The following SHLD2 variants were observed in gnomAD, a reference collection of about 807,000 sequenced individuals.
SHLD2 encodes the protein shieldin complex subunit 2, also known as RINN1-REV7-interacting novel NHEJ regulator 2.
SHLD2 carries 30 observed loss-of-function variants against 73.2 expected under a neutral mutation model. The ratio of observed to expected loss-of-function variants is 0.41; its 90% CI spans 0.31 to 0.56. SHLD2 has a LOEUF of 0.56. SHLD2 is among the 20% of genes least tolerant of loss of function. The pLI is 0.28. For missense variants in SHLD2, 745 were observed against 1,055.9 expected (o/e 0.71, Z 4.08); for synonymous variants, 285 against 370.1 (o/e 0.77, Z 2.64).
intron 2 of SHLD2, among the ~76,000 whole-genome samples, chr10:87,135,854 GGTGTT>G (rs1844765070): frequency 6.6e-6 from 1 of 151,952 alleles, no homozygotes; most frequent in African/African-American, 2.4e-5. Flanking sequence ...ATGACTAATC[GGTGTT>G]GCTATTGACC....
Position 87,174,646 on chromosome 10 carries a change from G to A in SHLD2, c.1964-1243G>A, listed in dbSNP as rs553314713. 5.3e-5 allele frequency among the ~76,000 whole-genome samples: 8 copies of A among 151,700 alleles called. No homozygotes were observed. The South Asian group carries it at 1.7e-3, about 32-fold the overall frequency. On this transcript the variant is annotated intron_variant, in intron 6 of 9. Transcript: ENST00000298786. ...TAGTAAATTAGATTTATGGCCTGAA[G>A]TGAGAAACTAAAAAGACAGCTGATG...
At chr10:87,164,019 G>A (rs189244766) in intron 4 of SHLD2, among the ~76,000 whole-genome samples, 42 of 150,112 alleles carry the variant, frequency 2.8e-4, no homozygotes, top group African/African-American at 1.0e-3. Flanking sequence ...GTGCAGTGGC[G>A]TGATCTTAGC....
At chr10:87,104,149 C>T (rs1406352797) in intron 2 of SHLD2, among the ~76,000 whole-genome samples, 2 of 150,082 alleles carry the variant, frequency 1.3e-5, no homozygotes, top group African/African-American at 4.9e-5. Flanking sequence ...AGACAGGAGA[C>T]TCGCTTGAAC....
chr10:87,150,499 G>A (rs998136761), intron 2 of SHLD2, among the ~76,000 whole-genome samples: 22 of 151,702 alleles, frequency 1.5e-4, no homozygotes, highest in African/African-American at 4.8e-4. Context: ...GGTGGCTCAC[G>A]CCTGTAATCC....
intron 2 of SHLD2, among the ~76,000 whole-genome samples, chr10:87,140,715 A>G (rs1437950339): frequency 6.6e-6 from 1 of 152,152 alleles, no homozygotes; most frequent in Non-Finnish European, 1.5e-5. Flanking sequence ...ATGGTGGCTC[A>G]TGCCTGTAAT....
In SHLD2 at chr10:87,105,448, G is replaced by A. The variant is rs575356233; in HGVS notation, c.-6+8459G>A. On this transcript the variant is annotated intron_variant, in intron 2 of 9. Transcript: ENST00000298786. ...GAAGGACTAGGCACAAGGTAGAGAC[G>A]CTGATAATGTTGAGTCAGCTCAGGA... 4.6e-5 allele frequency among the ~76,000 whole-genome samples: 7 copies of A among 152,298 alleles called. No individual in the cohort carries two copies. In the East Asian group the frequency reaches 9.6e-4, roughly 21 times the overall value.
intron 3 of SHLD2, chr10:87,154,365 C>T (rs938082556): frequency 1.3e-4 from 20 of 148,916 alleles, no homozygotes; most frequent in African/African-American, 5.0e-4. Context: ...GCCGCTGCAC[C>T]CAGAGAGAAT....
chr10:87,173,226 C>T (rs2134610148), intron 6 of SHLD2, among the ~76,000 whole-genome samples: 1 of 151,970 alleles, frequency 6.6e-6, no homozygotes, highest in African/African-American at 2.4e-5. Context: ...CGAGGTTTCA[C>T]CATGTTGGCC....
intron 2 of SHLD2, among the ~76,000 whole-genome samples, chr10:87,145,143 G>A (rs1464807344): frequency 1.4e-5 from 2 of 147,480 alleles, no homozygotes; most frequent in African/African-American, 2.5e-5. Context: ...GGGTTTCACC[G>A]TGTTAGTCAG....
intron 2 of SHLD2, chr10:87,114,462 C>T (rs1365489932): frequency 2.0e-5 from 3 of 152,192 alleles, no homozygotes; most frequent in South Asian, 4.1e-4. Flanking sequence ...CAGTGGCTCA[C>T]GCCTATAATC....
intron 3 of SHLD2, among the ~76,000 whole-genome samples, chr10:87,155,094 G>A (rs1291754704): frequency 3.3e-5 from 5 of 151,954 alleles, no homozygotes; most frequent in Non-Finnish European, 7.4e-5. Context: ...GCCACCGCGC[G>A]CGGCTAATTT....
chr10:87,105,447 C>T (rs563547286), intron 2 of SHLD2, among the ~76,000 whole-genome samples: 110 of 152,278 alleles, frequency 7.2e-4, no homozygotes, highest in African/African-American at 2.5e-3. Context: ...AAGGTAGAGA[C>T]GCTGATAATG....
At position 87,103,956 on chromosome 10, in the gene SHLD2, G is replaced by A. The variant is rs146857555; in HGVS notation, c.-6+6967G>A. ...CTCTTAAAAATTCACTGTGCTGGCCGGGCATGGTGGCTCACGCTTGTAATC... is the reference window on the plus strand; with the variant it reads ...CTCTTAAAAATTCACTGTGCTGGCCAGGCATGGTGGCTCACGCTTGTAATC... On this transcript the variant is annotated intron_variant, in intron 2 of 9. Coordinates refer to ENST00000298786, the MANE Select transcript of SHLD2 (RefSeq NM_001330112.2). Among the ~76,000 whole-genome samples the A allele has an allele frequency of 7.2e-5, 11 of 152,296 alleles. No homozygotes were observed. The East Asian group carries it at 1.5e-3, about 21-fold the overall frequency.
chr10:87,158,136 A>G lies in SHLD2; in HGVS notation c.1614A>G (p.Ser538=), dbSNP rs771984382. 63 of 1,611,090 alleles carry G rather than the reference A, an allele frequency of 3.9e-5. No individual in the cohort carries two copies. The highest frequency in any genetic ancestry group is 5.0e-5 in the Admixed American group (3 of 59,964). The change falls in exon 4 of 10, where the codon TCA becomes TCG. Residue 538 remains serine, a synonymous_variant. Transcript: ENST00000298786. ...AGTTATTAAATCTTGGGAGTTATTC[A>G]TCTATTCAGCCTGAAGAATGTAAGG... ...SSQLLNLGSY[S]SIQPEEYSSV...
intron 2 of SHLD2, among the ~76,000 whole-genome samples, chr10:87,109,545 C>T (rs2133991088): frequency 6.6e-6 from 1 of 152,316 alleles, no homozygotes; most frequent in Middle Eastern, 3.4e-3. Context: ...GTCATCCACC[C>T]TCCCCGGCCT....
intron 2 of SHLD2, among the ~76,000 whole-genome samples, chr10:87,097,640 G>T (rs1489614840): frequency 6.6e-6 from 1 of 152,184 alleles, no homozygotes; most frequent in African/African-American, 2.4e-5. Context: ...GTGAGGAATA[G>T]AGCTGTGGAA....
chr10:87,138,153 C>A (rs889928522), intron 2 of SHLD2, among the ~76,000 whole-genome samples: 1 of 152,014 alleles, frequency 6.6e-6, no homozygotes, highest in African/African-American at 2.4e-5. Flanking sequence ...CAAAAATTAG[C>A]CGGGTGTGGC....
chr10:87,173,639 A>G (rs1393151243), intron 6 of SHLD2, among the ~76,000 whole-genome samples: 1 of 152,154 alleles, frequency 6.6e-6, no homozygotes, highest in Non-Finnish European at 1.5e-5. Context: ...AGAAGAAAAT[A>G]TAGGCAAAAT....
At chr10:87,139,343 C>A (rs574344302) in intron 2 of SHLD2, among the ~76,000 whole-genome samples, 1 of 152,174 alleles carries the variant, frequency 6.6e-6, no homozygotes, top group South Asian at 2.1e-4. Flanking sequence ...TTAAAGAATA[C>A]AGTAAAAGCC....
Sources: gnomAD v4.1 joint callset for allele counts (sites outside exome capture counted in the v4.1 genomes callset) on GRCh38, gnomAD v4.1.1 for gene constraint, MANE v1.5 for transcripts, NCBI Gene and HGNC (gene_info 2026-07-23, HGNC 2026-07-21) for gene names.